Variants in ZNF185 observed in about 807,000 individuals in gnomAD.
ZNF185 encodes the protein zinc finger protein 185 with LIM domain.
Under a neutral mutation model 58.6 loss-of-function variants are expected in ZNF185, and 56 were observed. The ratio of observed to expected loss-of-function variants is 0.95; its 90% CI spans 0.77 to 1.19. The LOEUF (loss-of-function observed/expected upper bound fraction) is 1.19. Ranked by LOEUF, ZNF185 falls within the 50% of genes most tolerant of loss-of-function variation. The pLI is 0.00. For missense variants in ZNF185, 627 were observed against 573.5 expected (o/e 1.09, Z -0.95); for synonymous variants, 230 against 215.9 (o/e 1.07, Z -0.57).
chrX:152,904,944 G>C, the ZNF185 span, among the ~76,000 whole-genome samples: 1 of 112,481 alleles, frequency 8.9e-6, no homozygotes, highest in Non-Finnish European at 1.9e-5. Context: ...CCCCTCCCAT[G>C]GGCACAGAGC....
intron 11 of ZNF185, 119 bp downstream of exon 12, chrX:152,922,928 C>A: frequency 1.7e-6 from 1 of 588,902 alleles, no homozygotes; most frequent in Non-Finnish European, 2.7e-6. Context: ...CAAGGACAGG[C>A]TGAGCACTGG....
chrX:152,906,536 T>G, the ZNF185 span, among the ~76,000 whole-genome samples: 1 of 113,154 alleles, frequency 8.8e-6, no homozygotes, highest in Non-Finnish European at 1.9e-5. Context: ...CCATATTTGG[T>G]CCCTGTACTT....
At chrX:152,924,019 G>T (rs1249258688) in intron 11 of ZNF185, among the ~76,000 whole-genome samples, 5 of 112,012 alleles carry the variant, frequency 4.5e-5, no homozygotes, top group African/African-American at 1.3e-4. Context: ...GTGACGGCAA[G>T]GTTGGTTCCT....
chrX:152,943,086 C>T (rs1603277029), intron 15 of ZNF185, among the ~76,000 whole-genome samples: 1 of 111,222 alleles, frequency 9.0e-6, no homozygotes, highest in Non-Finnish European at 1.9e-5. Flanking sequence ...CTTACTGCAA[C>T]CTCTACCTCC....
chrX:152,960,922 T>A (rs1223979138), intron 17 of ZNF185, among the ~76,000 whole-genome samples: 1 of 112,355 alleles, frequency 8.9e-6, no homozygotes, highest in Non-Finnish European at 1.9e-5. Flanking sequence ...TGACAGAATT[T>A]TCTGGCTCTC....
chrX:152,905,740 G>T, the ZNF185 span, among the ~76,000 whole-genome samples: 5 of 110,591 alleles, frequency 4.5e-5, no homozygotes, highest in Admixed American at 3.8e-4. Flanking sequence ...CACAGCCTGG[G>T]AGGGAACTGC....
chrX:152,954,098 CAAACATCACAAAATAATACAAA>C (rs2048562159), intron 16 of ZNF185, among the ~76,000 whole-genome samples: 1 of 107,343 alleles, frequency 9.3e-6, no homozygotes, highest in Non-Finnish European at 1.9e-5. Context: ...TCAGGACTTG[CAAACATCACAAAATAATACAAA>C]AAACATCACA....
At chrX:152,904,119 C>G in the ZNF185 span, among the ~76,000 whole-genome samples, 259 of 112,416 alleles carry the variant, frequency 2.3e-3, no homozygotes, top group African/African-American at 7.1e-3. Flanking sequence ...ACTTGCTGAG[C>G]CTTTTTCCTG....
rs184992118 is a variant in ZNF185 at position 152,942,042 on chromosome X, A to G, written c.1212-3225A>G. On this transcript the variant is annotated intron_variant, in intron 15 of 22. Coordinates refer to ENST00000449285, the Ensembl canonical transcript of ZNF185. ...GGGGGTGTGGACGTGCAGACAGGGA[A>G]GGCAGCTGGACCCTCCAACCACGCT... Among the ~76,000 whole-genome samples the G allele has an allele frequency of 3.1e-3, 351 of 111,956 alleles. 3 individuals carry two copies. The highest frequency in any genetic ancestry group is 0.02 in the Admixed American group (219 of 10,697).
chrX:152,965,334 A>T, intron 18 of ZNF185, 113 bp from the exon 21 acceptor site: 1 of 611,604 alleles, frequency 1.6e-6, no homozygotes, highest in Non-Finnish European at 2.5e-6. Context: ...GAGCTCTTTC[A>T]CTTCCTTCAA....
intron 20 of ZNF185, among the ~76,000 whole-genome samples, chrX:152,968,427 A>G (rs1220603843): frequency 8.9e-6 from 1 of 112,957 alleles, no homozygotes; most frequent in Non-Finnish European, 1.9e-5. Flanking sequence ...CTCTAGGGAC[A>G]ATCTCAGTCA....
chrX:152,920,786 T>G (rs1461919073), intron 9 of ZNF185, 38 bp downstream of exon 10: 5 of 1,202,620 alleles, frequency 4.2e-6, no homozygotes, highest in Non-Finnish European at 5.6e-6. Flanking sequence ...GGCCTGTTAC[T>G]GGCCACAGGA....
intron 11 of ZNF185, among the ~76,000 whole-genome samples, chrX:152,927,216 A>T (rs1556873249): frequency 8.9e-6 from 1 of 112,586 alleles, no homozygotes; most frequent in African/African-American, 3.2e-5. Flanking sequence ...ATCATCCTCA[A>T]CAACGATGTC....
intron 15 of ZNF185, among the ~76,000 whole-genome samples, chrX:152,939,665 G>A (rs1336966643): frequency 1.8e-5 from 2 of 110,599 alleles, no homozygotes; most frequent in African/African-American, 3.3e-5. Flanking sequence ...AAAATTGAGG[G>A]ACTCACTCCT....
At chrX:152,922,332 C>T (rs1349130647) in intron 10 of ZNF185, 76 bp downstream of exon 11, 35 of 953,899 alleles carry the variant, frequency 3.7e-5, no homozygotes, top group Non-Finnish European at 4.5e-5. Context: ...GAACCTCAGT[C>T]AGGGCACCTC....
intron 16 of ZNF185, among the ~76,000 whole-genome samples, chrX:152,949,403 G>A (rs1474165180): frequency 8.9e-6 from 1 of 112,263 alleles, no homozygotes; most frequent in Admixed American, 9.4e-5. Flanking sequence ...AGCATGCTGG[G>A]GTGCGACTGT....
At chrX:152,936,187 C>A (rs186259649) in intron 14 of ZNF185, among the ~76,000 whole-genome samples, 9 of 112,977 alleles carry the variant, frequency 8.0e-5, no homozygotes, top group Admixed American at 7.4e-4. Context: ...CCCAATGTCA[C>A]ACAGCTGGGA....
chrX:152,955,316 T>C (rs920030355), intron 16 of ZNF185, among the ~76,000 whole-genome samples: 1 of 112,139 alleles, frequency 8.9e-6, no homozygotes, highest in Non-Finnish European at 1.9e-5. Flanking sequence ...TTGATATCAC[T>C]ATTACCCTTG....
chrX:152,939,776 G>GTTTTTTTT (rs57118182), intron 15 of ZNF185, among the ~76,000 whole-genome samples: 3 of 49,844 alleles, frequency 6.0e-5, no homozygotes, highest in Non-Finnish European at 1.0e-4. Flanking sequence ...AATCAGAGGT[G>GTTTTTTTT]TTTTTTTTTT....
Sources: allele counts gnomAD v4.1 joint callset (sites outside exome capture counted in the v4.1 genomes callset), GRCh38; gene constraint gnomAD v4.1.1; transcripts MANE v1.5; gene names NCBI Gene and HGNC (gene_info 2026-07-23, HGNC 2026-07-21).